Variants in SLC20A2 observed in about 807,000 individuals in gnomAD.
SLC20A2 encodes solute carrier family 20 member 2.
In SLC20A2, 30 loss-of-function variants were observed where a neutral mutation model predicts 61.0. The ratio of observed to expected loss-of-function variants is 0.49; its 90% CI spans 0.37 to 0.67. The LOEUF is 0.67. Ranked by LOEUF, SLC20A2 falls within the 30% of genes least tolerant of loss-of-function variation. The pLI is 0.00. For synonymous variants in SLC20A2, 351 were observed against 353.3 expected, an observed-to-expected ratio of 0.99 and a Z score of 0.07; for missense variants, 626 against 866.4, an observed-to-expected ratio of 0.72 and a Z score of 3.48.
chr8:42,464,092 C>CTTTTTTTTGTTTTTTTTTTTTTTTTTTT (rs1806935489), intron 3 of SLC20A2, among the ~76,000 whole-genome samples: 1 of 20,540 alleles, frequency 4.9e-5, no homozygotes, highest in African/African-American at 1.3e-4. Context: ...GCTGGATGAT[C>CTTTTTTTTGTTTTTTTTTTTTTTTTTTT]TTTTTTTTTT....
At chr8:42,465,637 G>T (rs1807096857) in intron 3 of SLC20A2, 140 bp downstream of exon 3, 1 of 722,926 alleles carries the variant, frequency 1.4e-6, no homozygotes, top group South Asian at 2.1e-5. Context: ...GTTGCAGTGA[G>T]CCGAGATTGC....
chr8:42,493,283 G>T (rs1350903582), intron 1 of SLC20A2, among the ~76,000 whole-genome samples: 1 of 152,192 alleles, frequency 6.6e-6, no homozygotes, highest in Non-Finnish European at 1.5e-5. Flanking sequence ...AGGCCATGAG[G>T]ACATCCTGGC....
At position 42,417,763 on chromosome 8, in the gene SLC20A2, A is replaced by G. The variant is rs536969251; in HGVS notation, c.*40T>C. ...CACATGTCTCCCACACGCCAACACC[A>G]GACCATCCCTTTAGCTGTTTGCAGC... On this transcript the variant is annotated 3_prime_UTR_variant, in exon 11 of 11. Coordinates refer to ENST00000520262, the MANE Select transcript of SLC20A2 (RefSeq NM_001257180.2). 9.1e-5 allele frequency: 146 copies of G among 1,606,590 alleles called. No homozygotes were observed. The highest frequency in any genetic ancestry group is 7.2e-4 in the Admixed American group (43 of 59,952).
chr8:42,452,393 TGGAGGA>T (rs770940812), intron 5 of SLC20A2, among the ~76,000 whole-genome samples: 1 of 100,978 alleles, frequency 9.9e-6, no homozygotes, highest in East Asian at 2.9e-4. Context: ...GAGGAAGAGA[TGGAGGA>T]GGAGGAGGAA....
chr8:42,506,011 G>A (rs999573714), upstream of SLC20A2, among the ~76,000 whole-genome samples: 2 of 151,750 alleles, frequency 1.3e-5, no homozygotes, highest in African/African-American at 2.4e-5. Context: ...GTGCAATCTC[G>A]GCTCACTGCA....
chr8:42,513,773 AG>A (rs957024630), intron 1 of SLC20A2, among the ~76,000 whole-genome samples: 1 of 152,198 alleles, frequency 6.6e-6, no homozygotes, highest in Non-Finnish European at 1.5e-5. Flanking sequence ...ATTATAATAC[AG>A]GTAAATCCTG....
At position 42,472,169 on chromosome 8, in the gene SLC20A2, G is replaced by T. The variant is rs756522817; in HGVS notation, c.222C>A (p.Ile74=). Reference sequence around the variant, plus strand: ...TCTCGTTGTACAGGTTCACGTCAATGATACCTTTGCGAATGGTTTCTCCTA... The same window carrying T: ...TCTCGTTGTACAGGTTCACGTCAATTATACCTTTGCGAATGGTTTCTCCTA... ...AKVGETIRKG[I]IDVNLYNETV... is the part of the protein sequence containing the mutation. The change falls in exon 2 of 11, where the codon ATC becomes ATA. Residue 74 remains isoleucine, a synonymous_variant. Transcript: ENST00000520262. The surrounding 1 kb of genome is among the most constrained non-coding windows in gnomAD (Gnocchi z 4.1). 89 of 1,614,020 alleles carry T rather than the reference G, an allele frequency of 5.5e-5. No homozygotes were observed. The highest frequency in any genetic ancestry group is 6.9e-5 in the Non-Finnish European group (81 of 1,180,044).
At chr8:42,534,172 G>A (rs1442567503) in intron 1 of SLC20A2, among the ~76,000 whole-genome samples, 1 of 151,906 alleles carries the variant, frequency 6.6e-6, no homozygotes, top group Non-Finnish European at 1.5e-5. Flanking sequence ...CCAGCTACTC[G>A]GGAGCCCAAG....
intron 1 of SLC20A2, among the ~76,000 whole-genome samples, chr8:42,496,040 A>G (rs9643852): frequency 0.36 from 54,963 of 152,096 alleles, 10,426 homozygotes; most frequent in East Asian, 0.43. Context: ...GTGAGCCACC[A>G]CACCCGGCCA....
intron 1 of SLC20A2, among the ~76,000 whole-genome samples, chr8:42,529,209 T>A (rs1419288290): frequency 6.6e-6 from 1 of 152,188 alleles, no homozygotes; most frequent in South Asian, 2.1e-4. Context: ...GCTCAAGTGA[T>A]CCTCCTGCCT....
chr8:42,445,312 T>A (rs961593241), intron 5 of SLC20A2, among the ~76,000 whole-genome samples: 2 of 151,606 alleles, frequency 1.3e-5, no homozygotes, highest in African/African-American at 2.4e-5. Flanking sequence ...ATAAATAAAA[T>A]AAAAATAAAT....
intron 1 of SLC20A2, among the ~76,000 whole-genome samples, chr8:42,481,212 A>G (rs1647246678): frequency 6.6e-6 from 1 of 152,206 alleles, no homozygotes; most frequent in South Asian, 2.1e-4. Flanking sequence ...AAGATCATAG[A>G]ACATTAGGGT....
At chr8:42,481,388 C>T (rs1808541872) in intron 1 of SLC20A2, among the ~76,000 whole-genome samples, 2 of 152,066 alleles carry the variant, frequency 1.3e-5, no homozygotes, top group South Asian at 2.1e-4. Context: ...AAAGCAATGC[C>T]GAGAAACTAG....
At chr8:42,418,929 C>T (rs999873103) in intron 10 of SLC20A2, among the ~76,000 whole-genome samples, 2 of 139,350 alleles carry the variant, frequency 1.4e-5, no homozygotes, top group African/African-American at 5.3e-5. Context: ...ACCTGGGAGG[C>T]GGAGCTTGCA....
intron 8 of SLC20A2, among the ~76,000 whole-genome samples, chr8:42,430,794 C>T (rs896895969): frequency 6.6e-6 from 1 of 152,148 alleles, no homozygotes; most frequent in East Asian, 1.9e-4. Flanking sequence ...TCACAGTATT[C>T]CCGAATTTTT....
chr8:42,493,211 A>G (rs139349044), intron 1 of SLC20A2, among the ~76,000 whole-genome samples: 10 of 152,342 alleles, frequency 6.6e-5, no homozygotes, highest in Admixed American at 1.3e-4. Flanking sequence ...ACTTTGTTCA[A>G]GATTTTCTTA....
intron 3 of SLC20A2, among the ~76,000 whole-genome samples, chr8:42,464,121 T>TTTTTTTTTTTTTTTTTTTTTTTTTG (rs1806951194): frequency 9.1e-6 from 1 of 110,468 alleles, no homozygotes; most frequent in Non-Finnish European, 1.7e-5. Context: ...TTTTTTTTTT[T>TTTTTTTTTTTTTTTTTTTTTTTTTG]TTGAGACAGG....
intron 1 of SLC20A2, among the ~76,000 whole-genome samples, chr8:42,533,336 C>G (rs1378397271): frequency 6.6e-6 from 1 of 152,080 alleles, no homozygotes; most frequent in Non-Finnish European, 1.5e-5. Context: ...GCCTATTGGG[C>G]CAGGTGCAGT....
upstream of SLC20A2, among the ~76,000 whole-genome samples, chr8:42,505,339 T>C (rs757721258): frequency 3.0e-4 from 45 of 152,000 alleles, no homozygotes; most frequent in South Asian, 2.1e-4. Flanking sequence ...AAGCTCATAA[T>C]AGGATAGTAA....
Sources: gnomAD v4.1 joint callset for allele counts (sites outside exome capture counted in the v4.1 genomes callset) on GRCh38, gnomAD v4.1.1 for gene constraint, Gnocchi (gnomAD v3.1) non-coding constraint, MANE v1.5 for transcripts, NCBI Gene and HGNC (gene_info 2026-07-23, HGNC 2026-07-21) for gene names.